Variants in SND1 observed in about 807,000 individuals in gnomAD.
The protein encoded by SND1 is staphylococcal nuclease domain-containing protein 1.
A neutral mutation model predicts 121.7 loss-of-function variants in SND1; 38 were observed. That is an observed-to-expected ratio of 0.31 (90% CI 0.24 to 0.41). SND1 has a LOEUF of 0.41. Among genes scored for constraint, SND1 ranks in the 10% least tolerant of loss-of-function variants. The pLI, the probability that SND1 is intolerant of heterozygous loss-of-function variation, is 1.00. For synonymous variants in SND1, 401 were observed against 447.4 expected (o/e 0.90, Z 1.31); for missense variants, 868 against 1,184.6 (o/e 0.73, Z 3.92).
chr7:127,880,946 T>A (rs2116717246), intron 12 of SND1, among the ~76,000 whole-genome samples: 1 of 152,258 alleles, frequency 6.6e-6, no homozygotes, highest in Middle Eastern at 3.4e-3. Flanking sequence ...GAAATGCAAT[T>A]GTCTTAAATT....
At chr7:127,685,310 C>T (rs1158321841) in intron 1 of SND1, among the ~76,000 whole-genome samples, 3 of 152,190 alleles carry the variant, frequency 2.0e-5, no homozygotes, top group African/African-American at 7.2e-5. Context: ...GATTCAACTT[C>T]CTCACAAGGA....
At chr7:127,732,809 T>C (rs1004574518) in intron 10 of SND1, among the ~76,000 whole-genome samples, 1 of 152,228 alleles carries the variant, frequency 6.6e-6, no homozygotes, top group African/African-American at 2.4e-5. Context: ...TTTGTAGGTA[T>C]TGATTTCAAG....
chr7:127,879,962 A>C (rs1233583282), intron 12 of SND1, among the ~76,000 whole-genome samples: 2 of 152,210 alleles, frequency 1.3e-5, no homozygotes, highest in East Asian at 3.9e-4. Flanking sequence ...CTCTACTATC[A>C]GTGAAGTAGT....
intron 14 of SND1, among the ~76,000 whole-genome samples, chr7:127,928,870 C>T (rs889106791): frequency 1.2e-4 from 18 of 152,184 alleles, no homozygotes; most frequent in Admixed American, 3.3e-4. Context: ...GGATTGCAGG[C>T]GTGAGCCACT....
At chr7:127,893,096 A>G (rs1219932352) in intron 13 of SND1, among the ~76,000 whole-genome samples, 1 of 152,004 alleles carries the variant, frequency 6.6e-6, no homozygotes, top group Non-Finnish European at 1.5e-5. Context: ...CTTCTGCGGT[A>G]TTTCCAAGAT....
intron 16 of SND1, among the ~76,000 whole-genome samples, chr7:128,014,808 T>G (rs531435116): frequency 1.3e-5 from 2 of 152,332 alleles, no homozygotes; most frequent in East Asian, 3.9e-4. Flanking sequence ...ATGAAGATTT[T>G]TTTTAAATTC....
At chr7:127,860,279 A>G (rs1220314008) in intron 12 of SND1, among the ~76,000 whole-genome samples, 1 of 152,164 alleles carries the variant, frequency 6.6e-6, no homozygotes, top group Non-Finnish European at 1.5e-5. Flanking sequence ...TATGGGTGAG[A>G]CAAGCAGTAG....
At chr7:127,805,861 A>G (rs1798228693) in intron 10 of SND1, among the ~76,000 whole-genome samples, 1 of 152,190 alleles carries the variant, frequency 6.6e-6, no homozygotes, top group African/African-American at 2.4e-5. Flanking sequence ...GTGTACATCT[A>G]GGGTAGGGGT....
chr7:127,741,843 C>T (rs1226297940), intron 10 of SND1, among the ~76,000 whole-genome samples: 2 of 152,110 alleles, frequency 1.3e-5, no homozygotes, highest in African/African-American at 2.4e-5. Flanking sequence ...TATTGTTAAT[C>T]CCCTCAGTGT....
intron 16 of SND1, among the ~76,000 whole-genome samples, chr7:128,026,408 A>G (rs1803479103): frequency 6.6e-6 from 1 of 152,160 alleles, no homozygotes; most frequent in Admixed American, 6.5e-5. Flanking sequence ...CAACTGCTGC[A>G]AAGTGCTGCC....
chr7:127,769,012 TA>T (rs1797467800), intron 10 of SND1, among the ~76,000 whole-genome samples: 1 of 152,206 alleles, frequency 6.6e-6, no homozygotes, highest in South Asian at 2.1e-4. Context: ...TATATACCAA[TA>T]AGTTAAATAT....
At chr7:127,860,585 A>G (rs1008093719) in intron 12 of SND1, among the ~76,000 whole-genome samples, 3 of 152,152 alleles carry the variant, frequency 2.0e-5, no homozygotes, top group Non-Finnish European at 2.9e-5. Context: ...GGTGTAGTGA[A>G]TTTGGACCTG....
intron 15 of SND1, among the ~76,000 whole-genome samples, chr7:127,955,623 G>A (rs555194843): frequency 3.9e-5 from 6 of 152,224 alleles, no homozygotes; most frequent in South Asian, 4.1e-4. Flanking sequence ...GTCATGCTTT[G>A]TTCAACCTGC....
rs376545336 is a variant in SND1 at position 127,943,972 on chromosome 7, C to T, written c.1669+14643C>T. On this transcript the variant is annotated intron_variant, in intron 15 of 23. Transcript: ENST00000354725. The stretch of plus-strand genomic sequence containing the variant: ...GCCTCAGAGGAGGGCGGATGTGGCT[C>T]GACTGCGTTCCCTCAGCTGCCAAGC... Among the ~76,000 whole-genome samples, 12 of 152,306 alleles carry T rather than the reference C, an allele frequency of 7.9e-5. No homozygotes were observed. The East Asian group carries it at 1.2e-3, about 15-fold the overall frequency.
chr7:127,904,814 T>A lies in SND1; in HGVS notation c.1522T>A (p.Ser508Thr). ...GCCTATCCACCGTGTTGCAGATATATCTGGGGTGAGTCGAGTCCCTGAATC... is the reference window on the plus strand; with the variant it reads ...GCCTATCCACCGTGTTGCAGATATAACTGGGGTGAGTCGAGTCCCTGAATC... The part of the protein sequence containing the change: ...EVPIHRVADI[S>T]GDTQKAKQFL... The change falls in exon 14 of 24, where the codon TCT becomes ACT. Residue 508 changes from serine (S) to threonine (T), a missense_variant. Coordinates refer to ENST00000354725, the MANE Select transcript of SND1 (RefSeq NM_014390.4). 2.5e-6 allele frequency: 4 copies of A among 1,604,794 alleles called. No individual in the cohort carries two copies. Among genetic ancestry groups the A allele is most frequent in the Non-Finnish European group, 3.4e-6 (4 of 1,171,640 alleles).
chr7:127,751,145 GGT>G (rs142927273), intron 10 of SND1, among the ~76,000 whole-genome samples: 13 of 150,004 alleles, frequency 8.7e-5, no homozygotes, highest in South Asian at 2.1e-4. Flanking sequence ...TCCATGGTAG[GGT>G]GTGTGTGTGT....
chr7:127,766,645 G>T (rs1199247767), intron 10 of SND1, among the ~76,000 whole-genome samples: 1 of 151,164 alleles, frequency 6.6e-6, no homozygotes, highest in Non-Finnish European at 1.5e-5. Context: ...CGTGGTGGCG[G>T]GCACCTGTAG....
At chr7:127,843,728 A>G (rs1799006456) in intron 11 of SND1, among the ~76,000 whole-genome samples, 1 of 152,250 alleles carries the variant, frequency 6.6e-6, no homozygotes, top group African/African-American at 2.4e-5. Flanking sequence ...GTATGTTTTC[A>G]ACTCCTCAAG....
At chr7:127,857,446 G>A (rs968558706) in intron 12 of SND1, among the ~76,000 whole-genome samples, 6 of 144,558 alleles carry the variant, frequency 4.2e-5, no homozygotes, top group South Asian at 2.2e-4. Flanking sequence ...CTCGTGATCC[G>A]CCCGCCTCGC....
Sources: allele counts gnomAD v4.1 joint callset (sites outside exome capture counted in the v4.1 genomes callset), GRCh38; gene constraint gnomAD v4.1.1; transcripts MANE v1.5; gene names NCBI Gene and HGNC (gene_info 2026-07-23, HGNC 2026-07-21).